CAMKMT: variants seen among roughly 807,000 people sequenced by gnomAD.
CAMKMT encodes CaM KMT.
CAMKMT carries 53 observed loss-of-function variants against 48.0 expected under a neutral mutation model. The ratio of observed to expected loss-of-function variants is 1.10; its 90% CI spans 0.89 to 1.39. The LOEUF (loss-of-function observed/expected upper bound fraction) is 1.39, where lower values mean the gene tolerates loss of function less well. Among genes scored for constraint, CAMKMT ranks in the 40% most tolerant of loss-of-function variants. The pLI is 0.00. For missense variants in CAMKMT, 428 were observed against 402.7 expected, an observed-to-expected ratio of 1.06 and a Z score of -0.54; for synonymous variants, 165 against 152.3, an observed-to-expected ratio of 1.08 and a Z score of -0.61.
intron 3 of CAMKMT, among the ~76,000 whole-genome samples, chr2:44,603,441 A>G (rs1671115174): frequency 6.6e-6 from 1 of 152,214 alleles, no homozygotes; most frequent in Non-Finnish European, 1.5e-5. Context: ...ATACATATTT[A>G]TTAATATAAC....
At chr2:44,630,125 G>C (rs1443279533) in intron 3 of CAMKMT, among the ~76,000 whole-genome samples, 1 of 151,964 alleles carries the variant, frequency 6.6e-6, no homozygotes, top group Admixed American at 6.6e-5. Context: ...TGACAAACCT[G>C]AGAAAAATAA....
intron 3 of CAMKMT, among the ~76,000 whole-genome samples, chr2:44,423,451 T>C (rs1435785835): frequency 6.6e-6 from 1 of 152,164 alleles, no homozygotes; most frequent in Non-Finnish European, 1.5e-5. Flanking sequence ...CCCGAAGTGC[T>C]GGCATTACAG....
intron 10 of CAMKMT, among the ~76,000 whole-genome samples, chr2:44,768,063 G>T (rs996468118): frequency 2.6e-5 from 4 of 152,170 alleles, no homozygotes; most frequent in Non-Finnish European, 5.9e-5. Context: ...CCTCTCCTCT[G>T]TCTGGAACTT....
At chr2:44,701,224 A>G (rs951881102) in intron 3 of CAMKMT, among the ~76,000 whole-genome samples, 7 of 152,214 alleles carry the variant, frequency 4.6e-5, no homozygotes, top group African/African-American at 1.7e-4. Flanking sequence ...CAAAGTGGCT[A>G]CATGATTTTA....
At chr2:44,560,561 G>A (rs993665840) in intron 3 of CAMKMT, among the ~76,000 whole-genome samples, 8 of 152,142 alleles carry the variant, frequency 5.3e-5, no homozygotes, top group African/African-American at 1.2e-4. Flanking sequence ...CGTGAGCCAC[G>A]GTGCCCAGCA....
At chr2:44,551,892 G>A (rs1045713669) in intron 3 of CAMKMT, among the ~76,000 whole-genome samples, 2 of 152,100 alleles carry the variant, frequency 1.3e-5, no homozygotes, top group Non-Finnish European at 2.9e-5. Flanking sequence ...GTATACCTAT[G>A]GAGAGCTTTC....
chr2:44,588,301 G>A (rs1222700793), intron 3 of CAMKMT, among the ~76,000 whole-genome samples: 7 of 66,718 alleles, frequency 1.0e-4, no homozygotes, highest in African/African-American at 2.0e-4. Flanking sequence ...CGTCCGGGAG[G>A]GAGGGGGGGG....
intron 3 of CAMKMT, among the ~76,000 whole-genome samples, chr2:44,462,892 G>A (rs1334934629): frequency 6.6e-6 from 1 of 152,146 alleles, no homozygotes; most frequent in East Asian, 1.9e-4. Context: ...TGTAGAGTCT[G>A]AGTTTTGCTG....
chr2:44,554,089 C>T (rs899143622), intron 3 of CAMKMT, among the ~76,000 whole-genome samples: 2 of 152,148 alleles, frequency 1.3e-5, no homozygotes, highest in African/African-American at 4.8e-5. Flanking sequence ...TCCATTATGA[C>T]CTTTTGCTAA....
intron 2 of CAMKMT, among the ~76,000 whole-genome samples, chr2:44,381,427 G>T (rs1680232345): frequency 6.6e-6 from 1 of 152,234 alleles, no homozygotes; most frequent in East Asian, 1.9e-4. Flanking sequence ...AAGAAGAAGA[G>T]AATATTCTTA....
At chr2:44,408,999 C>T (rs1682976949) in intron 3 of CAMKMT, among the ~76,000 whole-genome samples, 1 of 151,268 alleles carries the variant, frequency 6.6e-6, no homozygotes, top group Non-Finnish European at 1.5e-5. Context: ...GCCTCGGCCT[C>T]CCAAAGAGTC....
chr2:44,564,833 C>T (rs1235285150), intron 3 of CAMKMT, among the ~76,000 whole-genome samples: 3 of 152,192 alleles, frequency 2.0e-5, no homozygotes, highest in Non-Finnish European at 1.5e-5. Context: ...AGCTACCACA[C>T]CCGGCCCAAG....
chr2:44,481,578 C>T (rs1668966805), intron 3 of CAMKMT, among the ~76,000 whole-genome samples: 1 of 151,866 alleles, frequency 6.6e-6, no homozygotes, highest in African/African-American at 2.4e-5. Context: ...AACTTATGAA[C>T]ATGTAAGGAT....
chr2:44,631,651 C>G (rs1395449713), intron 3 of CAMKMT: 2 of 422,060 alleles, frequency 4.7e-6, no homozygotes, highest in Non-Finnish European at 8.3e-6. Flanking sequence ...GGATTTTGAG[C>G]CCATCTGACA....
intron 10 of CAMKMT, among the ~76,000 whole-genome samples, chr2:44,767,555 C>G (rs1680893798): frequency 6.6e-6 from 1 of 152,158 alleles, no homozygotes; most frequent in Admixed American, 6.5e-5. Context: ...TTATTTGAAT[C>G]TTTAAGGTTC....
intron 3 of CAMKMT, among the ~76,000 whole-genome samples, chr2:44,643,860 C>T (rs934132346): frequency 2.0e-5 from 3 of 151,930 alleles, no homozygotes; most frequent in Admixed American, 6.6e-5. Flanking sequence ...TATAGTGTGT[C>T]GATATGATTG....
At chr2:44,658,514 G>A (rs1674501836) in intron 3 of CAMKMT, among the ~76,000 whole-genome samples, 1 of 152,122 alleles carries the variant, frequency 6.6e-6, no homozygotes, top group African/African-American at 2.4e-5. Context: ...GTGACGTCGC[G>A]TGAAGACCTT....
At chr2:44,473,775 T>C (rs1487261978) in intron 3 of CAMKMT, among the ~76,000 whole-genome samples, 1 of 152,228 alleles carries the variant, frequency 6.6e-6, no homozygotes, top group African/African-American at 2.4e-5. Flanking sequence ...AAACAGTTTA[T>C]GCGGTGAGAA....
At chr2:44,540,844 T>G (rs1667068686) in intron 3 of CAMKMT, among the ~76,000 whole-genome samples, 1 of 152,226 alleles carries the variant, frequency 6.6e-6, no homozygotes, top group Non-Finnish European at 1.5e-5. Context: ...CTAAAAAAAT[T>G]TATATTTATA....
Sources: gnomAD v4.1 joint callset for allele counts (sites outside exome capture counted in the v4.1 genomes callset) on GRCh38, gnomAD v4.1.1 for gene constraint, MANE v1.5 for transcripts, NCBI Gene and HGNC (gene_info 2026-07-23, HGNC 2026-07-21) for gene names.